SLC24A2: variants seen among roughly 807,000 people sequenced by gnomAD.
SLC24A2 encodes the protein sodium/potassium/calcium exchanger 2.
Under a neutral mutation model 62.0 loss-of-function variants are expected in SLC24A2, and 36 were observed. The ratio of observed to expected loss-of-function variants is 0.58; its 90% CI spans 0.44 to 0.77. The LOEUF is 0.77. Among genes scored for constraint, SLC24A2 ranks in the 30% least tolerant of loss-of-function variants. The pLI is 0.00. For synonymous variants in SLC24A2, 358 were observed against 294.0 expected (o/e 1.22, Z -2.23); for missense variants, 846 against 817.9 (o/e 1.03, Z -0.42).
At chr9:19,640,367 T>C (rs1818460594) in intron 2 of SLC24A2, among the ~76,000 whole-genome samples, 1 of 152,262 alleles carries the variant, frequency 6.6e-6, no homozygotes, top group East Asian at 1.9e-4. Flanking sequence ...TCTGTACTGC[T>C]ATAAAAAACA....
At chr9:19,577,957 G>C (rs1040173272) in intron 5 of SLC24A2, among the ~76,000 whole-genome samples, 1 of 151,764 alleles carries the variant, frequency 6.6e-6, no homozygotes, top group African/African-American at 2.4e-5. Context: ...TGAGATTGGA[G>C]ACTCTTATTC....
At chr9:20,119,762 A>C in the SLC24A2 span, among the ~76,000 whole-genome samples, 1 of 152,200 alleles carries the variant, frequency 6.6e-6, no homozygotes, top group Non-Finnish European at 1.5e-5. Context: ...ACAGTGCAAT[A>C]AGGAAATCAA....
the SLC24A2 span, among the ~76,000 whole-genome samples, chr9:19,866,693 G>A: frequency 1.5e-5 from 2 of 137,258 alleles, no homozygotes; most frequent in Non-Finnish European, 3.0e-5. Flanking sequence ...CTGGAGTGCA[G>A]TGGCGTGATC....
intron 2 of SLC24A2, among the ~76,000 whole-genome samples, chr9:19,776,304 C>A (rs572977852): frequency 1.3e-5 from 2 of 152,196 alleles, no homozygotes; most frequent in African/African-American, 4.8e-5. Context: ...CAAGTTCAAA[C>A]GCCATTTAAA....
At chr9:19,723,363 C>CA (rs1386773693) in intron 2 of SLC24A2, among the ~76,000 whole-genome samples, 1 of 151,746 alleles carries the variant, frequency 6.6e-6, no homozygotes. Context: ...TAAGATGCAC[C>CA]AAAAAAGAAT....
At chr9:19,912,226 C>A in the SLC24A2 span, among the ~76,000 whole-genome samples, 1 of 151,982 alleles carries the variant, frequency 6.6e-6, no homozygotes, top group Non-Finnish European at 1.5e-5. Flanking sequence ...GGAAAGGAGA[C>A]CTTAGGGATC....
At chr9:20,009,476 G>C in the SLC24A2 span, among the ~76,000 whole-genome samples, 3 of 151,726 alleles carry the variant, frequency 2.0e-5, no homozygotes, top group African/African-American at 7.3e-5. Flanking sequence ...TTGGCCAATG[G>C]AGCAATGGAG....
At chr9:20,055,882 C>G in the SLC24A2 span, among the ~76,000 whole-genome samples, 1 of 152,008 alleles carries the variant, frequency 6.6e-6, no homozygotes, top group Admixed American at 6.6e-5. Flanking sequence ...GAGTGAGACT[C>G]TGTCTCCAAA....
At chr9:20,125,901 C>T in the SLC24A2 span, among the ~76,000 whole-genome samples, 1 of 152,292 alleles carries the variant, frequency 6.6e-6, no homozygotes, top group African/African-American at 2.4e-5. Flanking sequence ...TCCCTCTTTC[C>T]AGCATACAGA....
the SLC24A2 span, among the ~76,000 whole-genome samples, chr9:20,174,915 G>C: frequency 6.6e-6 from 1 of 151,750 alleles, no homozygotes; most frequent in Non-Finnish European, 1.5e-5. Flanking sequence ...GCTTATAGCA[G>C]CACAATTCAC....
intron 5 of SLC24A2, among the ~76,000 whole-genome samples, chr9:19,582,042 T>C (rs1836225414): frequency 6.6e-6 from 1 of 152,180 alleles, no homozygotes; most frequent in African/African-American, 2.4e-5. Context: ...TATATAATTT[T>C]AATATAGTTT....
the SLC24A2 span, among the ~76,000 whole-genome samples, chr9:19,826,984 TC>T: frequency 6.6e-6 from 1 of 152,170 alleles, no homozygotes; most frequent in African/African-American, 2.4e-5. Flanking sequence ...CTTGCTCTTT[TC>T]TCTTGATATA....
the SLC24A2 span, among the ~76,000 whole-genome samples, chr9:20,112,556 A>G: frequency 1.3e-5 from 2 of 152,170 alleles, no homozygotes; most frequent in Admixed American, 6.5e-5. Context: ...TGTTTGATTT[A>G]TAGCTTGGGT....
intron 10 of SLC24A2, among the ~76,000 whole-genome samples, chr9:19,520,487 C>G (rs1377764209): frequency 6.6e-6 from 1 of 152,094 alleles, no homozygotes; most frequent in Non-Finnish European, 1.5e-5. Context: ...GTATGGTAGG[C>G]CTATGTTTTC....
At chr9:19,984,601 T>G in the SLC24A2 span, among the ~76,000 whole-genome samples, 1 of 152,132 alleles carries the variant, frequency 6.6e-6, no homozygotes, top group East Asian at 1.9e-4. Flanking sequence ...AGCTGCTCAG[T>G]AGGCTGAGGC....
At chr9:19,907,294 A>G in the SLC24A2 span, among the ~76,000 whole-genome samples, 1 of 152,162 alleles carries the variant, frequency 6.6e-6, no homozygotes, top group African/African-American at 2.4e-5. Context: ...TGCTAAAAAC[A>G]CTCAATAAAT....
chr9:20,240,654 G>A, the SLC24A2 span, among the ~76,000 whole-genome samples: 1 of 152,116 alleles, frequency 6.6e-6, no homozygotes, highest in Non-Finnish European at 1.5e-5. Context: ...TTGTAGCGGG[G>A]TTTTAAATGA....
the SLC24A2 span, among the ~76,000 whole-genome samples, chr9:20,247,268 A>G: frequency 3.3e-5 from 5 of 152,264 alleles, no homozygotes; most frequent in South Asian, 6.2e-4. Context: ...AGCAAATCCC[A>G]TGGTGCTATC....
At chr9:20,127,169 T>C in the SLC24A2 span, among the ~76,000 whole-genome samples, 1 of 152,058 alleles carries the variant, frequency 6.6e-6, no homozygotes, top group South Asian at 2.1e-4. Flanking sequence ...AATGCTCTGG[T>C]TCCCTTTCTG....
Sources: allele counts gnomAD v4.1 joint callset (sites outside exome capture counted in the v4.1 genomes callset), GRCh38; gene constraint gnomAD v4.1.1; transcripts MANE v1.5; gene names NCBI Gene and HGNC (gene_info 2026-07-23, HGNC 2026-07-21).